PCDH15: variants seen among roughly 807,000 people sequenced by gnomAD.
The protein encoded by PCDH15 is protocadherin related 15, also known as protocadherin-15.
A neutral mutation model predicts 178.5 loss-of-function variants in PCDH15; 129 were observed. The ratio of observed to expected loss-of-function variants is 0.72; its 90% confidence interval spans 0.63 to 0.84. PCDH15 has a LOEUF of 0.84. PCDH15 is among the 40% of genes least tolerant of loss of function. PCDH15 has a pLI of 0.00. For synonymous variants in PCDH15, 800 were observed against 732.0 expected, an observed-to-expected ratio of 1.09 and a Z score of -1.50; for missense variants, 2,230 against 2,099.9, an observed-to-expected ratio of 1.06 and a Z score of -1.21.
chr10:55,252,682 T>A (rs1030346836), intron 1 of PCDH15, among the ~76,000 whole-genome samples: 1 of 151,386 alleles, frequency 6.6e-6, no homozygotes, highest in Non-Finnish European at 1.5e-5. Context: ...CCAAGGGGGG[T>A]AAAGTGATAA....
At position 55,098,503 on chromosome 10, in the gene PCDH15, T is replaced by C. The variant is rs115707713; in HGVS notation, c.-80+68073A>G. 6.2e-3 allele frequency among the ~76,000 whole-genome samples: 941 copies of C among 152,244 alleles called. 12 individuals carry two copies. The highest frequency in any genetic ancestry group is 0.022 in the African/African-American group (910 of 41,558). ...CAAGCTGGAAGCTTTCGTGGGTGAA[T>C]GTCAGCAGTTGTGCCAATAGGAAAA... is the stretch of plus-strand genomic sequence containing the variant. On this transcript the variant is annotated intron_variant, in intron 2 of 5. Transcript: ENST00000458638.
At chr10:55,541,490 T>C (rs1841758654) in intron 2 of PCDH15, among the ~76,000 whole-genome samples, 2 of 152,022 alleles carry the variant, frequency 1.3e-5, no homozygotes, top group African/African-American at 4.8e-5. Flanking sequence ...GGTGTTATGT[T>C]GTTTTATGTA....
At position 53,959,864 on chromosome 10, in the gene PCDH15, T is replaced by C; in HGVS notation, c.3010-20A>G. The C allele has an allele frequency of 6.3e-7, 1 of 1,582,838 alleles. No homozygotes were observed. The highest frequency in any genetic ancestry group is 8.7e-7 in the Non-Finnish European group (1 of 1,151,662). On this transcript the variant is annotated intron_variant, in intron 22 of 37. Transcript: ENST00000644397. Reference sequence around the variant, plus strand: ...CACCAACTTAAAAAGCAATAAAAATTCATGTTAAAGATTATAAGTAAGAAC... The same window carrying C: ...CACCAACTTAAAAAGCAATAAAAATCCATGTTAAAGATTATAAGTAAGAAC...
chr10:54,579,668 A>T (rs771114719), intron 2 of PCDH15, among the ~76,000 whole-genome samples: 1 of 152,088 alleles, frequency 6.6e-6, no homozygotes, highest in Non-Finnish European at 1.5e-5. Context: ...CCCATCAACC[A>T]CAGAATATAC....
intron 3 of PCDH15, among the ~76,000 whole-genome samples, chr10:54,428,624 G>C (rs765779683): frequency 3.0e-4 from 45 of 152,012 alleles, no homozygotes; most frequent in Non-Finnish European, 4.6e-4. Flanking sequence ...GAGCCAACGG[G>C]CATTGAGGCA....
rs138380334 is a variant in PCDH15 at position 55,409,231 on chromosome 10, T to C, written c.-156+218394A>G. Among the ~76,000 whole-genome samples the C allele has an allele frequency of 6.6e-3, 1,010 of 152,216 alleles. 11 individuals are homozygous for C. The highest frequency in any genetic ancestry group is 0.023 in the African/African-American group (972 of 41,538). ...CATAAAAAGTGCCTCAGATTTCACA[T>C]TGCCCCGGTAGCACCCCTAGTGAAC... On this transcript the variant is annotated intron_variant, in intron 2 of 5. Coordinates refer to the PCDH15 transcript ENST00000613346.
chr10:54,656,333 A>C (rs1200071213), intron 2 of PCDH15, among the ~76,000 whole-genome samples: 9 of 152,078 alleles, frequency 5.9e-5, no homozygotes, highest in African/African-American at 2.2e-4. Flanking sequence ...TAGAGACCCC[A>C]AAAAAGTATA....
rs994651118 is a variant in PCDH15, at chr10:55,360,561, A to G, written c.-155-193910T>C. Among the ~76,000 whole-genome samples, 69 of 152,024 alleles carry G rather than the reference A, an allele frequency of 4.5e-4. 1 individual carries two copies. Among genetic ancestry groups the G allele is most frequent in the Non-Finnish European group, 1.3e-4 (9 of 67,928 alleles). On this transcript the variant is annotated intron_variant, in intron 2 of 5. Transcript: ENST00000613346. ...AGAGAATTGGGGAATTTGAGCCTGCAATTCATAAAAGAGAATACCCAAATG... is the reference window on the plus strand; with the variant it reads ...AGAGAATTGGGGAATTTGAGCCTGCGATTCATAAAAGAGAATACCCAAATG...
At chr10:54,063,421 T>C (rs530022762) in intron 18 of PCDH15, among the ~76,000 whole-genome samples, 2 of 152,294 alleles carry the variant, frequency 1.3e-5, no homozygotes, top group South Asian at 2.1e-4. Flanking sequence ...GATGATAATT[T>C]TTGCACATGC....
At chr10:55,084,909 C>T (rs1842129084) in intron 2 of PCDH15, among the ~76,000 whole-genome samples, 1 of 151,788 alleles carries the variant, frequency 6.6e-6, no homozygotes, top group East Asian at 1.9e-4. Flanking sequence ...GGCTTTCATC[C>T]AAAAGACAGG....
intron 2 of PCDH15, among the ~76,000 whole-genome samples, chr10:55,611,689 T>G (rs1309900825): frequency 3.3e-5 from 5 of 152,060 alleles, no homozygotes; most frequent in Admixed American, 3.3e-4. Flanking sequence ...GTATGTTGAC[T>G]AGATATCAAC....
intron 1 of PCDH15, among the ~76,000 whole-genome samples, chr10:55,226,035 G>A (rs1034061108): frequency 7.2e-5 from 11 of 152,166 alleles, no homozygotes; most frequent in African/African-American, 2.7e-4. Context: ...AGGGTTGGAG[G>A]AGCTCTTTTG....
At chr10:55,090,489 ATTG>A (rs1320226712) in intron 2 of PCDH15, among the ~76,000 whole-genome samples, 1 of 151,938 alleles carries the variant, frequency 6.6e-6, no homozygotes, top group East Asian at 1.9e-4. Context: ...GCAGGGTAAA[ATTG>A]TTGTGGCTGT....
chr10:54,837,746 A>T (rs556509322), intron 3 of PCDH15, among the ~76,000 whole-genome samples: 148 of 152,240 alleles, frequency 9.7e-4, no homozygotes, highest in African/African-American at 3.2e-3. Flanking sequence ...ATGAATGAAA[A>T]TGCCTTTGTG....
At position 55,086,508 on chromosome 10, in the gene PCDH15, C is replaced by T. The variant is rs559089409; in HGVS notation, c.-80+80068G>A. ...GTCCTGGTATAAGCGTTAGCCTATG[C>T]CCCAGTCTATAGATATATCTTCCAC... is the stretch of plus-strand genomic sequence containing the variant. On this transcript the variant is annotated intron_variant, in intron 2 of 5. Transcript: ENST00000458638. Among the ~76,000 whole-genome samples, 80 of 152,100 alleles carry T rather than the reference C, an allele frequency of 5.3e-4. 1 individual carries two copies. In the South Asian group the frequency reaches 0.017, roughly 32 times the overall value.
At chr10:55,274,796 C>T (rs1317643296) in intron 1 of PCDH15, among the ~76,000 whole-genome samples, 1 of 152,072 alleles carries the variant, frequency 6.6e-6, no homozygotes. Context: ...CTCACATCAT[C>T]AGGCATTGTA....
At chr10:54,062,812 A>G (rs975989806) in intron 18 of PCDH15, among the ~76,000 whole-genome samples, 8 of 152,212 alleles carry the variant, frequency 5.3e-5, no homozygotes, top group African/African-American at 1.7e-4. Context: ...AAATTTAACT[A>G]AAAACTAATC....
At chr10:54,953,466 G>T (rs185792121) in intron 2 of PCDH15, among the ~76,000 whole-genome samples, 1 of 151,202 alleles carries the variant, frequency 6.6e-6, no homozygotes. Context: ...TTTATTTCCC[G>T]GTTTCCAAAT....
chr10:54,112,535 G>T (rs1368500485), intron 15 of PCDH15, among the ~76,000 whole-genome samples: 2 of 152,052 alleles, frequency 1.3e-5, no homozygotes, highest in African/African-American at 4.8e-5. Context: ...TAAAAGCTGA[G>T]ACATATGCTT....
Sources: allele counts gnomAD v4.1 joint callset (sites outside exome capture counted in the v4.1 genomes callset), GRCh38; gene constraint gnomAD v4.1.1; transcripts MANE v1.5; gene names NCBI Gene and HGNC (gene_info 2026-07-23, HGNC 2026-07-21).